The following CHCHD3 variants were observed in gnomAD, a reference collection of about 807,000 sequenced individuals.
CHCHD3 encodes coiled-coil-helix-coiled-coil-helix domain containing 3.
Under a neutral mutation model 38.2 loss-of-function variants are expected in CHCHD3, and 20 were observed. The ratio of observed to expected loss-of-function variants is 0.52; its 90% CI spans 0.37 to 0.76. CHCHD3 has a LOEUF of 0.76. CHCHD3 is among the 30% of genes least tolerant of loss of function. CHCHD3 has a pLI of 0.00. For missense variants in CHCHD3, 245 were observed against 279.2 expected, an observed-to-expected ratio of 0.88 and a Z score of 0.87; for synonymous variants, 82 against 100.0, an observed-to-expected ratio of 0.82 and a Z score of 1.07.
chr7:133,060,816 A>C (rs1170118517), intron 2 of CHCHD3, among the ~76,000 whole-genome samples: 1 of 152,186 alleles, frequency 6.6e-6, no homozygotes, highest in East Asian at 1.9e-4. Flanking sequence ...AGGCTGAGGC[A>C]GGAGAATCAC....
intron 2 of CHCHD3, among the ~76,000 whole-genome samples, chr7:133,040,459 C>G (rs1813803169): frequency 6.6e-6 from 1 of 152,096 alleles, no homozygotes; most frequent in Non-Finnish European, 1.5e-5. Flanking sequence ...CCCTTACCAC[C>G]AGACATTGAG....
chr7:132,956,372 T>C lies in CHCHD3; in HGVS notation c.369+18797A>G, dbSNP rs559100739. Among the ~76,000 whole-genome samples the C allele has an allele frequency of 2.0e-3, 307 of 152,302 alleles. 1 individual carries two copies. Among genetic ancestry groups the C allele is most frequent in the Non-Finnish European group, 2.9e-3 (197 of 68,032 alleles). On this transcript the variant is annotated intron_variant, in intron 4 of 7. Transcript: ENST00000262570. Reference sequence around the variant, plus strand: ...CATATAGACCACAATGCCTAGCATATAGTAGGCCCTATACAAATAATTCTT... The same window carrying C: ...CATATAGACCACAATGCCTAGCATACAGTAGGCCCTATACAAATAATTCTT...
At chr7:132,950,868 G>A (rs918855544) in intron 4 of CHCHD3, among the ~76,000 whole-genome samples, 2 of 152,078 alleles carry the variant, frequency 1.3e-5, no homozygotes, top group Admixed American at 1.3e-4. Flanking sequence ...TTTCCTTGAT[G>A]CATTCTAAAT....
intron 6 of CHCHD3, among the ~76,000 whole-genome samples, chr7:132,797,569 T>C (rs532404647): frequency 1.3e-5 from 2 of 152,284 alleles, no homozygotes; most frequent in South Asian, 4.1e-4. Context: ...ACCTCAGCTA[T>C]TAGACATCGG....
intron 3 of CHCHD3, among the ~76,000 whole-genome samples, chr7:133,004,154 G>A (rs186616279): frequency 6.6e-6 from 1 of 152,152 alleles, no homozygotes; most frequent in African/African-American, 2.4e-5. Flanking sequence ...TAGAGACGGG[G>A]TTTCACCATA....
chr7:133,021,779 A>G (rs1813184575), intron 3 of CHCHD3, among the ~76,000 whole-genome samples: 1 of 152,152 alleles, frequency 6.6e-6, no homozygotes. Context: ...TATATTTTTC[A>G]TGGAGCTTTA....
chr7:132,873,393 T>G (rs959048805), intron 5 of CHCHD3, among the ~76,000 whole-genome samples: 9 of 149,190 alleles, frequency 6.0e-5, no homozygotes, highest in African/African-American at 2.2e-4. Context: ...TAGCTTATAA[T>G]AATCCCTCAA....
At chr7:132,847,064 G>T (rs1808092206) in intron 5 of CHCHD3, among the ~76,000 whole-genome samples, 1 of 152,148 alleles carries the variant, frequency 6.6e-6, no homozygotes, top group South Asian at 2.1e-4. Context: ...GTCTTCCCTT[G>T]TAGCCACCCC....
intron 5 of CHCHD3, among the ~76,000 whole-genome samples, chr7:132,842,186 G>A (rs909354308): frequency 1.5e-4 from 23 of 152,074 alleles, no homozygotes; most frequent in African/African-American, 5.3e-4. Flanking sequence ...AACAATACAA[G>A]ATTTTGTTTG....
At chr7:132,897,579 C>T (rs1809532845) in intron 4 of CHCHD3, among the ~76,000 whole-genome samples, 1 of 152,204 alleles carries the variant, frequency 6.6e-6, no homozygotes, top group Non-Finnish European at 1.5e-5. Flanking sequence ...GGACTCCTGC[C>T]TCTTGACAGC....
In CHCHD3 at chr7:133,024,635, C is replaced by A. The variant is rs749188246; in HGVS notation, c.170-8G>T. 1 of 1,595,668 alleles carries A rather than the reference C, an allele frequency of 6.3e-7. No homozygotes were observed. Among genetic ancestry groups the A allele is most frequent in the South Asian group, 1.1e-5 (1 of 90,704 alleles). ...TCAATTCTTCATCAGAAACTAGAAT[C>A]GATAAAGAGCAGAAGGAGATAAAAT... On this transcript the variant is annotated splice_polypyrimidine_tract_variant and splice_region_variant and intron_variant, in intron 2 of 7. Coordinates refer to ENST00000262570, the MANE Select transcript of CHCHD3 (RefSeq NM_017812.4).
intron 2 of CHCHD3, chr7:133,034,508 C>CTTT (rs146912120): frequency 0.1 from 28,839 of 284,776 alleles, 5,929 homozygotes; most frequent in Non-Finnish European, 0.12. Flanking sequence ...TGGATCCAGT[C>CTTT]TTTTTTTTTT....
intron 6 of CHCHD3, among the ~76,000 whole-genome samples, chr7:132,804,754 G>C (rs1007714985): frequency 1.3e-5 from 2 of 152,156 alleles, no homozygotes; most frequent in Admixed American, 1.3e-4. Context: ...CCAAATACCA[G>C]ATACACACTG....
chr7:132,867,006 T>C (rs894708205), intron 5 of CHCHD3, among the ~76,000 whole-genome samples: 6 of 152,194 alleles, frequency 3.9e-5, no homozygotes, highest in Admixed American at 2.0e-4. Context: ...CACGCACACC[T>C]ACCCACCATA....
At chr7:132,862,449 C>T (rs142440219) in intron 5 of CHCHD3, among the ~76,000 whole-genome samples, 3 of 152,296 alleles carry the variant, frequency 2.0e-5, no homozygotes, top group African/African-American at 7.2e-5. Flanking sequence ...AAAAAAAGTA[C>T]ATAATCTTAA....
At chr7:132,811,350 T>C (rs1349697285) in intron 6 of CHCHD3, among the ~76,000 whole-genome samples, 1 of 152,266 alleles carries the variant, frequency 6.6e-6, no homozygotes, top group Admixed American at 6.5e-5. Context: ...AAATCTACGC[T>C]GTCCCAACAT....
At chr7:132,854,878 G>A (rs1394363309) in intron 5 of CHCHD3, among the ~76,000 whole-genome samples, 1 of 152,064 alleles carries the variant, frequency 6.6e-6, no homozygotes, top group Non-Finnish European at 1.5e-5. Context: ...CCTATACAAG[G>A]GAACACAATT....
chr7:132,790,545 C>A (rs957929087), intron 7 of CHCHD3, among the ~76,000 whole-genome samples: 1 of 152,074 alleles, frequency 6.6e-6, no homozygotes, highest in Non-Finnish European at 1.5e-5. Flanking sequence ...GGCTGCCCTA[C>A]CAAAAAAATG....
chr7:132,986,664 T>C (rs906146841), intron 3 of CHCHD3, among the ~76,000 whole-genome samples: 3 of 152,142 alleles, frequency 2.0e-5, no homozygotes, highest in Non-Finnish European at 4.4e-5. Context: ...GCAAACCAGT[T>C]CCCAGATGCC....
Sources: gnomAD v4.1 joint callset for allele counts (sites outside exome capture counted in the v4.1 genomes callset) on GRCh38, gnomAD v4.1.1 for gene constraint, MANE v1.5 for transcripts, NCBI Gene and HGNC (gene_info 2026-07-23, HGNC 2026-07-21) for gene names.